The following FAM153A variants were observed in gnomAD, a reference collection of about 807,000 sequenced individuals.
FAM153A encodes protein FAM153A.
In FAM153A, 12 loss-of-function variants were observed where a neutral mutation model predicts 48.1. The ratio of observed to expected loss-of-function variants is 0.25; its 90% CI spans 0.16 to 0.40. FAM153A has a LOEUF of 0.40. FAM153A is among the 10% of genes least tolerant of loss of function. The pLI, the probability that FAM153A is intolerant of heterozygous loss-of-function variation, is 1.00. For synonymous variants in FAM153A, 36 were observed against 118.2 expected (o/e 0.30, Z 4.51); for missense variants, 111 against 345.8 (o/e 0.32, Z 5.38).
chr5:177,759,529 G>A (rs1768096718), intron 1 of FAM153A, among the ~76,000 whole-genome samples: 1 of 151,580 alleles, frequency 6.6e-6, no homozygotes, highest in African/African-American at 2.4e-5. Context: ...GTTTATTGTG[G>A]CACTATTCAC....
chr5:177,716,648 C>T (rs1759859172), intron 24 of FAM153A, among the ~76,000 whole-genome samples: 2 of 151,630 alleles, frequency 1.3e-5, no homozygotes, highest in Non-Finnish European at 1.5e-5. Context: ...TTTTTAATGA[C>T]AAATAGTCAC....
At chr5:177,743,211 T>TG (rs1225135217) in intron 6 of FAM153A, among the ~76,000 whole-genome samples, 1 of 100,124 alleles carries the variant, frequency 1.0e-5, no homozygotes, top group African/African-American at 3.8e-5. Context: ...GTTTTGTTTT[T>TG]TTTTTTTTTG....
At chr5:177,717,981 T>A, downstream of FAM153A, among the ~76,000 whole-genome samples, 1 of 23,348 alleles carries the variant, frequency 4.3e-5, no homozygotes, top group Non-Finnish European at 7.8e-5. Flanking sequence ...AAAACAAAAA[T>A]AAAGAACATT....
Position 177,711,295 on chromosome 5 carries a change from CAATAAG to C in FAM153A, c.*3261_*3266del, listed in dbSNP as rs897239785. On this transcript the variant is annotated 3_prime_UTR_variant and NMD_transcript_variant, in exon 27 of 27. Coordinates refer to the FAM153A transcript ENST00000360669. ...ACAATGTTAATAATAACCACCACAACAATAAGAATAATGCTGAAGCAACCTCTTCCA... is the reference window on the plus strand; with the variant it reads ...ACAATGTTAATAATAACCACCACAACAATAATGCTGAAGCAACCTCTTCCA... 27 of 151,954 alleles carry C rather than the reference CAATAAG, an allele frequency of 1.8e-4. 1 individual carries two copies. The highest frequency in any genetic ancestry group is 6.5e-4 in the African/African-American group (27 of 41,316). 9.4% of individuals were successfully genotyped at this position (151,954 alleles called of 1,614,324 possible).
At chr5:177,711,665 G>C (rs1181847086) in exon 27 of FAM153A, 1 of 151,826 alleles carries the variant, frequency 6.6e-6, no homozygotes, top group Non-Finnish European at 1.5e-5. Flanking sequence ...TGTTTTTGAT[G>C]GTGTTATCAG....
chr5:177,702,070 G>A, the FAM153A span, among the ~76,000 whole-genome samples: 1 of 151,726 alleles, frequency 6.6e-6, no homozygotes, highest in Non-Finnish European at 1.5e-5. Flanking sequence ...ATCACGCCCG[G>A]CTAATTTTTT....
chr5:177,707,062 C>T (rs188660117), downstream of FAM153A, among the ~76,000 whole-genome samples: 9 of 152,018 alleles, frequency 5.9e-5, no homozygotes, highest in Admixed American at 2.6e-4. Context: ...AAGAGTTATT[C>T]GAGCAACAGA....
At position 177,738,923 on chromosome 5, in the gene FAM153A, C is replaced by T. The variant is rs553404733; in HGVS notation, c.562+190G>A. Among the ~76,000 whole-genome samples, 204 of 150,696 alleles carry T rather than the reference C, an allele frequency of 1.4e-3. 1 individual carries two copies. The highest frequency in any genetic ancestry group is 4.5e-3 in the African/African-American group (183 of 40,490). On this transcript the variant is annotated intron_variant, in intron 10 of 20. Transcript: ENST00000614127. ...CCTCATTCGATTTCATAGAATGACA[C>T]GGCAGCTAACAGAGACTACGTAGGA...
intron 16 of FAM153A, among the ~76,000 whole-genome samples, chr5:177,731,113 T>G (rs1246495876): frequency 1.9e-5 from 1 of 53,204 alleles, no homozygotes; most frequent in East Asian, 5.3e-4. Context: ...GTTTGTTGGG[T>G]TTTTTTTTTT....
At chr5:177,781,314 A>G (rs1352844746), upstream of FAM153A, among the ~76,000 whole-genome samples, 11 of 130,944 alleles carry the variant, frequency 8.4e-5, no homozygotes, top group African/African-American at 2.7e-4. Flanking sequence ...ACAGGGTTTC[A>G]CCGTGTTTGC....
chr5:177,724,027 C>A, exon 21 of FAM153A: 1 of 1,018,706 alleles, frequency 9.8e-7, no homozygotes, highest in Non-Finnish European at 1.5e-6. Context: ...AGGGCTCAGC[C>A]CAGCAGGCTC....
Position 177,741,243 on chromosome 5 carries a change from A to G in FAM153A, c.441+13T>C. On this transcript the variant is annotated intron_variant, in intron 7 of 20. Coordinates refer to ENST00000614127, the Ensembl canonical transcript of FAM153A. ...ATAAAATTCCCACCTCAGATAAACA[A>G]AAAAGACTTTACCTTCACAGAGCCT... is the stretch of plus-strand genomic sequence containing the variant. 1 of 464,040 alleles carries G rather than the reference A, an allele frequency of 2.2e-6. No homozygotes were observed. Among genetic ancestry groups the G allele is most frequent in the Non-Finnish European group, 3.3e-6 (1 of 303,744 alleles). 28.7% of individuals were successfully genotyped at this position (464,040 alleles called of 1,614,324 possible).
chr5:177,709,120 AAAAAAAAAAAAAG>A (rs1443972265), downstream of FAM153A, among the ~76,000 whole-genome samples: 54 of 144,734 alleles, frequency 3.7e-4, no homozygotes, highest in African/African-American at 1.4e-3. Context: ...AAAAAAAAAA[AAAAAAAAAAAAAG>A]AAAGAAAAGC....
downstream of FAM153A, among the ~76,000 whole-genome samples, chr5:177,719,197 G>A (rs1479104942): frequency 6.6e-6 from 1 of 151,188 alleles, no homozygotes; most frequent in African/African-American, 2.5e-5. Context: ...TTTTATACTT[G>A]ACATGAGAAA....
downstream of FAM153A, chr5:177,721,905 A>G (rs1359278767): frequency 2.7e-5 from 4 of 150,116 alleles, no homozygotes; most frequent in Non-Finnish European, 5.9e-5. Context: ...GATGTAACTT[A>G]CCATACTATG....
Position 177,717,221 on chromosome 5 carries a change from C to A in FAM153A, c.*1093G>T, listed in dbSNP as rs796234006. ...CAGCCTCTACCCGAGTCATTTCAGA[C>A]GAGTGTGAGCCATGAGAAATCAGAG... On this transcript the variant is annotated 3_prime_UTR_variant and NMD_transcript_variant, in exon 24 of 27. Coordinates refer to the FAM153A transcript ENST00000360669. 1.7e-4 allele frequency: 24 copies of A among 139,432 alleles called. 1 individual carries two copies. Among genetic ancestry groups the A allele is most frequent in the African/African-American group, 5.9e-4 (21 of 35,320 alleles). 8.6% of individuals were successfully genotyped at this position (139,432 alleles called of 1,614,324 possible). A position where few individuals can be genotyped will look rare whatever the true frequency, so the allele number is the denominator to read the frequency against.
At chr5:177,723,105 G>GC (rs1425100765), downstream of FAM153A, 1 of 140,184 alleles carries the variant, frequency 7.1e-6, no homozygotes, top group African/African-American at 2.6e-5. Flanking sequence ...CGTTGAACAT[G>GC]CATAGCTTCC....
chr5:177,714,336 A>G (rs1272158541), intron 25 of FAM153A, among the ~76,000 whole-genome samples: 2 of 151,804 alleles, frequency 1.3e-5, no homozygotes, highest in Admixed American at 1.3e-4. Context: ...CTTTTTTTCT[A>G]CAAAAATAAG....
At chr5:177,736,597 G>C in exon 12 of FAM153A, 2 of 1,577,826 alleles carry the variant, frequency 1.3e-6, no homozygotes, top group Non-Finnish European at 1.7e-6. Context: ...AGTGTGTCTG[G>C]GTCCCCCTCC....
Sources: allele counts gnomAD v4.1 joint callset (sites outside exome capture counted in the v4.1 genomes callset), GRCh38; gene constraint gnomAD v4.1.1; transcripts MANE v1.5; gene names NCBI Gene and HGNC (gene_info 2026-07-23, HGNC 2026-07-21).